Variants in TNRC6B observed in about 807,000 individuals in gnomAD.
TNRC6B encodes trinucleotide repeat containing adaptor 6B.
TNRC6B carries 52 observed loss-of-function variants against 203.6 expected under a neutral mutation model. That is an observed-to-expected ratio of 0.26 (90% CI 0.20 to 0.32). The LOEUF is 0.32. Among genes scored for constraint, TNRC6B ranks in the 10% least tolerant of loss-of-function variants. The pLI is 1.00. For synonymous variants in TNRC6B, 838 were observed against 845.7 expected, an observed-to-expected ratio of 0.99 and a Z score of 0.16; for missense variants, 1,923 against 2,286.2, an observed-to-expected ratio of 0.84 and a Z score of 3.24.
At chr22:40,193,540 A>G (rs2069299946) in intron 1 of TNRC6B, among the ~76,000 whole-genome samples, 1 of 152,184 alleles carries the variant, frequency 6.6e-6, no homozygotes, top group South Asian at 2.1e-4. Flanking sequence ...CTCTACCTCC[A>G]TCATCTGTGG....
chr22:40,291,546 T>A (rs562480503), intron 12 of TNRC6B, among the ~76,000 whole-genome samples: 2 of 152,342 alleles, frequency 1.3e-5, no homozygotes, highest in South Asian at 4.1e-4. Context: ...ATTATTGCAC[T>A]CAGGGTCACT....
intron 17 of TNRC6B, 57 bp downstream of exon 17, chr22:40,311,050 C>T: frequency 6.5e-7 from 1 of 1,529,160 alleles, no homozygotes; most frequent in Non-Finnish European, 8.9e-7. Flanking sequence ...TTGTCAGTTT[C>T]AGGTTCAGAA....
chr22:40,049,735 C>T (rs2067729828), intron 1 of TNRC6B, among the ~76,000 whole-genome samples: 1 of 152,130 alleles, frequency 6.6e-6, no homozygotes, highest in Non-Finnish European at 1.5e-5. Context: ...TCCCAAGTAG[C>T]TGGGATTGCA....
rs2044024286 is a variant in TNRC6B, at chr22:40,335,608, T to C, written c.*12367T>C. 1 of 151,970 alleles carries C rather than the reference T, an allele frequency of 6.6e-6. No homozygotes were observed. The highest frequency in any genetic ancestry group is 2.4e-5 in the African/African-American group (1 of 41,356). The allele number at this position is 151,970 out of a possible 1,614,324, so 9.4% of individuals were successfully genotyped here. On this transcript the variant is annotated 3_prime_UTR_variant, in exon 23 of 23. Coordinates refer to ENST00000454349, the MANE Select transcript of TNRC6B (RefSeq NM_001162501.2). ...AAACTGAGAGATGATGTAATGCATA[T>C]ATAAGAGTTTTCTGAAGGGTTTTTT...
intron 1 of TNRC6B, among the ~76,000 whole-genome samples, chr22:40,064,994 G>A (rs2072387119): frequency 6.6e-6 from 1 of 151,924 alleles, no homozygotes; most frequent in African/African-American, 2.4e-5. Context: ...ATGTTCATAA[G>A]AGATAATGGT....
Position 40,325,446 on chromosome 22 carries a change from CAAGT to C in TNRC6B, c.*2206_*2209del, listed in dbSNP as rs1310923088. ...TCAAAAGAGATTGACAGGCATGACTCAAGTGAGTGTTCACATATACAAGCCTGCA... is the reference window on the plus strand; with the variant it reads ...TCAAAAGAGATTGACAGGCATGACTCGAGTGTTCACATATACAAGCCTGCA... On this transcript the variant is annotated 3_prime_UTR_variant, in exon 23 of 23. Coordinates refer to ENST00000454349, the MANE Select transcript of TNRC6B (RefSeq NM_001162501.2). The C allele has an allele frequency of 6.6e-6, 1 of 152,568 alleles. No individual in the cohort carries two copies. The highest frequency in any genetic ancestry group is 6.5e-5 in the Admixed American group (1 of 15,276). 9.5% of individuals were successfully genotyped at this position (152,568 alleles called of 1,614,324 possible). A position where few individuals can be genotyped will look rare whatever the true frequency, so the allele number is the denominator to read the frequency against.
chr22:40,278,787 T>G (rs1340476870), intron 9 of TNRC6B, among the ~76,000 whole-genome samples: 1 of 152,242 alleles, frequency 6.6e-6, no homozygotes, highest in Non-Finnish European at 1.5e-5. Context: ...TCACCCTGGC[T>G]GGAGTGCAGC....
rs1466157006 is a variant in TNRC6B at position 40,312,982 on chromosome 22, G to A, written c.4663G>A (p.Val1555Ile). The change falls in exon 19 of 23, where the codon GTT (valine) becomes ATT (isoleucine). Residue 1555 changes from valine (V) to isoleucine (I), a missense_variant. By Grantham distance (29) the Val-to-Ile change is conservative (BLOSUM62 3). This residue lies in a region of TNRC6B where 159 missense variants were observed against 181.0 expected (regional missense o/e 0.88). Coordinates refer to ENST00000454349, the MANE Select transcript of TNRC6B (RefSeq NM_001162501.2). ...TGCCTCTGACAACTCCTTTACCAAC[G>A]TTCATAGCACTTCAGGTATGAGTGT... ...YSASDNSFTN[V>I]HSTSAKFPDY... 7.4e-6 allele frequency: 12 copies of A among 1,613,512 alleles called. No homozygotes were observed. Among genetic ancestry groups the A allele is most frequent in the East Asian group, 2.2e-5 (1 of 44,884 alleles).
intron 1 of TNRC6B, among the ~76,000 whole-genome samples, chr22:40,082,895 A>G (rs1432436851): frequency 1.3e-5 from 2 of 152,236 alleles, no homozygotes; most frequent in Non-Finnish European, 2.9e-5. Flanking sequence ...GGGGGAAGTC[A>G]AGAGTTAAAA....
At chr22:40,299,633 C>G (rs1228908494) in intron 12 of TNRC6B, among the ~76,000 whole-genome samples, 2 of 152,142 alleles carry the variant, frequency 1.3e-5, no homozygotes, top group Non-Finnish European at 2.9e-5. Context: ...AAGCTAGTCC[C>G]CCAAACTGCT....
intron 4 of TNRC6B, among the ~76,000 whole-genome samples, chr22:40,263,381 C>G (rs1555894713): frequency 6.6e-6 from 1 of 152,198 alleles, no homozygotes; most frequent in Non-Finnish European, 1.5e-5. Context: ...ATGGCCTTTC[C>G]TTCCTGGCTC....
At chr22:40,281,903 C>G (rs913561546) in intron 11 of TNRC6B, among the ~76,000 whole-genome samples, 1 of 152,210 alleles carries the variant, frequency 6.6e-6, no homozygotes, top group African/African-American at 2.4e-5. Flanking sequence ...GCAGTAGAAA[C>G]AAGACAGGCA....
intron 1 of TNRC6B, among the ~76,000 whole-genome samples, chr22:40,051,223 T>C (rs1291810895): frequency 2.6e-5 from 4 of 152,178 alleles, no homozygotes; most frequent in Admixed American, 2.0e-4. Flanking sequence ...GATTCCAAAA[T>C]TGCTGAAGAG....
chr22:40,088,487 C>T (rs1227920914), intron 1 of TNRC6B, among the ~76,000 whole-genome samples: 2 of 152,086 alleles, frequency 1.3e-5, no homozygotes, highest in African/African-American at 4.8e-5. Flanking sequence ...TCTCAGCTTA[C>T]TGCAACCTCC....
At chr22:40,253,788 C>G (rs2070229338) in intron 3 of TNRC6B, 1 of 452,452 alleles carries the variant, frequency 2.2e-6, no homozygotes, top group Non-Finnish European at 4.4e-6. Flanking sequence ...CATCTTTATT[C>G]CCAGTAAGCC....
chr22:40,121,850 A>T (rs936171849), intron 2 of TNRC6B, among the ~76,000 whole-genome samples: 1 of 152,240 alleles, frequency 6.6e-6, no homozygotes, highest in Non-Finnish European at 1.5e-5. Context: ...AGTCGCTGCT[A>T]AGGTCAAAAT....
chr22:40,131,219 C>G (rs879820320), intron 3 of TNRC6B, among the ~76,000 whole-genome samples: 29 of 151,978 alleles, frequency 1.9e-4, no homozygotes, highest in African/African-American at 6.8e-4. Context: ...GTGCCCAGCG[C>G]GGTATAGAAG....
chr22:40,206,764 A>C (rs1487799396), intron 1 of TNRC6B, among the ~76,000 whole-genome samples: 2 of 152,108 alleles, frequency 1.3e-5, no homozygotes, highest in Admixed American at 1.3e-4. Context: ...CGTACATGGA[A>C]TCTTGCTCTG....
chr22:40,258,071 C>CTTTTTTTTTTTTTTTTTTTTTTTTTTT (rs56078653), intron 3 of TNRC6B, among the ~76,000 whole-genome samples: 2 of 28,700 alleles, frequency 7.0e-5, no homozygotes, highest in African/African-American at 1.4e-4. Context: ...GATACACAGC[C>CTTTTTTTTTTTTTTTTTTTTTTTTTTT]TTTTTTTTTT....
Sources: gnomAD v4.1 joint callset for allele counts (sites outside exome capture counted in the v4.1 genomes callset) on GRCh38, gnomAD v4.1.1 for gene constraint, gnomAD v4.1.1 regional missense constraint, MANE v1.5 for transcripts, NCBI Gene and HGNC (gene_info 2026-07-23, HGNC 2026-07-21) for gene names.